The following SLC8A1 variants were observed in gnomAD, a reference collection of about 807,000 sequenced individuals.
SLC8A1 encodes solute carrier family 8 member A1.
SLC8A1 carries 18 observed loss-of-function variants against 68.3 expected under a neutral mutation model. That is an observed-to-expected ratio of 0.26 (90% CI 0.18 to 0.39). The LOEUF (loss-of-function observed/expected upper bound fraction) is 0.39, where lower values mean the gene tolerates loss of function less well. SLC8A1 is among the 10% of genes least tolerant of loss of function. The probability of loss-of-function intolerance (pLI) is 1.00; values close to 1 mark genes in which losing one functional copy is unlikely to be tolerated. For missense variants in SLC8A1, 985 were observed against 1,156.7 expected (o/e 0.85, Z 2.15); for synonymous variants, 475 against 415.5 (o/e 1.14, Z -1.74).
intron 1 of SLC8A1, among the ~76,000 whole-genome samples, chr2:40,475,350 G>C (rs1041338670): frequency 4.0e-5 from 6 of 151,808 alleles, no homozygotes; most frequent in African/African-American, 1.2e-4. Flanking sequence ...AGCCAGGATG[G>C]TCTCGATCTC....
intron 2 of SLC8A1, among the ~76,000 whole-genome samples, chr2:40,226,941 C>G (rs140653714): frequency 1.0e-3 from 152 of 152,150 alleles, no homozygotes; most frequent in African/African-American, 3.5e-3. Flanking sequence ...TAAAATAGCT[C>G]TCTTGAAAAA....
chr2:40,222,600 G>T lies in SLC8A1; in HGVS notation c.1809-44745C>A, dbSNP rs115462769. Among the ~76,000 whole-genome samples, 1,308 of 152,092 alleles carry T rather than the reference G, an allele frequency of 8.6e-3. 20 individuals carry two copies. Among genetic ancestry groups the T allele is most frequent in the African/African-American group, 0.03 (1,224 of 41,484 alleles). On this transcript the variant is annotated intron_variant, in intron 2 of 7. Transcript: ENST00000406785. ...AGTGAACAGGCAACCTAGAGAATGG[G>T]AAAAATAACTGCAATCTATCCATCT...
exon 8 of SLC8A1, chr2:40,100,988 T>G (rs1029996519): frequency 2.0e-5 from 3 of 152,174 alleles, no homozygotes; most frequent in African/African-American, 7.2e-5. Flanking sequence ...ATTGCTTTTG[T>G]GTATCAAAAT....
At chr2:40,119,031 C>T (rs1020189180) in intron 7 of SLC8A1, among the ~76,000 whole-genome samples, 1 of 152,098 alleles carries the variant, frequency 6.6e-6, no homozygotes, top group South Asian at 2.1e-4. Flanking sequence ...ACTCAAAGCA[C>T]CCAAACCAGT....
intron 2 of SLC8A1, among the ~76,000 whole-genome samples, chr2:40,180,809 T>G (rs1216710774): frequency 6.6e-6 from 1 of 152,250 alleles, no homozygotes; most frequent in Non-Finnish European, 1.5e-5. Flanking sequence ...AGAAGTAGCC[T>G]TGCTAATAGG....
chr2:40,431,993 T>G (rs1368896549), intron 1 of SLC8A1, among the ~76,000 whole-genome samples: 1 of 152,086 alleles, frequency 6.6e-6, no homozygotes, highest in Non-Finnish European at 1.5e-5. Context: ...GCAGTAGAAT[T>G]CAAAACTAAG....
chr2:40,299,765 C>T (rs2071088459), intron 2 of SLC8A1, among the ~76,000 whole-genome samples: 1 of 152,172 alleles, frequency 6.6e-6, no homozygotes, highest in East Asian at 1.9e-4. Context: ...AAGAGAGTTT[C>T]AGCATAATAA....
intron 2 of SLC8A1, among the ~76,000 whole-genome samples, chr2:40,358,998 G>C (rs1673668605): frequency 2.6e-5 from 4 of 152,086 alleles, no homozygotes; most frequent in Admixed American, 2.6e-4. Flanking sequence ...GGGGTGGAAC[G>C]GCTTGTGCAA....
chr2:40,302,956 G>T (rs6544319), intron 2 of SLC8A1, among the ~76,000 whole-genome samples: 1 of 152,184 alleles, frequency 6.6e-6, no homozygotes, highest in Admixed American at 6.5e-5. Flanking sequence ...ACAGGATCTT[G>T]TAAGTCTGTC....
At chr2:40,359,419 T>G (rs982641684) in intron 2 of SLC8A1, among the ~76,000 whole-genome samples, 1 of 152,154 alleles carries the variant, frequency 6.6e-6, no homozygotes, top group Non-Finnish European at 1.5e-5. Flanking sequence ...GCATAGCCTT[T>G]TAAGTGTGAA....
chr2:40,288,608 T>C (rs1169073732), intron 2 of SLC8A1, among the ~76,000 whole-genome samples: 1 of 151,894 alleles, frequency 6.6e-6, no homozygotes, highest in Non-Finnish European at 1.5e-5. Flanking sequence ...TATGTATACC[T>C]CTCCCCAGTT....
intron 2 of SLC8A1, among the ~76,000 whole-genome samples, chr2:40,247,576 TAA>T (rs1354860307): frequency 1.3e-5 from 2 of 152,200 alleles, no homozygotes; most frequent in Non-Finnish European, 1.5e-5. Flanking sequence ...TCAGGGCATA[TAA>T]GTCACGTGTC....
chr2:40,184,898 C>CAAAAAAAAAAAAAAAAAA (rs66662572), intron 2 of SLC8A1, among the ~76,000 whole-genome samples: 18 of 106,510 alleles, frequency 1.7e-4, no homozygotes, highest in Non-Finnish European at 2.1e-4. Flanking sequence ...TAACCAAAAA[C>CAAAAAAAAAAAAAAAAAA]AAAAAAAAAA....
intron 2 of SLC8A1, among the ~76,000 whole-genome samples, chr2:40,242,147 C>CGT (rs957918477): frequency 4.7e-5 from 7 of 150,088 alleles, no homozygotes; most frequent in South Asian, 2.1e-4. Flanking sequence ...TGTGTGTGTG[C>CGT]GTGTGTGTGT....
chr2:40,299,894 G>T (rs75741487), intron 2 of SLC8A1, among the ~76,000 whole-genome samples: 3 of 152,298 alleles, frequency 2.0e-5, no homozygotes, highest in Admixed American at 1.3e-4. Context: ...ATCTCCAGAA[G>T]AATCTCCCTA....
At chr2:40,184,448 A>G (rs1456727496) in intron 2 of SLC8A1, among the ~76,000 whole-genome samples, 1 of 152,152 alleles carries the variant, frequency 6.6e-6, no homozygotes, top group Non-Finnish European at 1.5e-5. Context: ...TCCCCTCTCA[A>G]GAAATGACGG....
At chr2:40,473,172 G>C (rs1157676296) in intron 1 of SLC8A1, among the ~76,000 whole-genome samples, 1 of 152,044 alleles carries the variant, frequency 6.6e-6, no homozygotes, top group Non-Finnish European at 1.5e-5. Flanking sequence ...GAGGACCTAA[G>C]AATCACAGCA....
At chr2:40,207,697 T>C (rs995060607) in intron 2 of SLC8A1, among the ~76,000 whole-genome samples, 1 of 152,116 alleles carries the variant, frequency 6.6e-6, no homozygotes, top group South Asian at 2.1e-4. Flanking sequence ...TGGCTCCAAG[T>C]TTCTAAGTCA....
At chr2:40,274,194 T>G (rs1202849060) in intron 2 of SLC8A1, among the ~76,000 whole-genome samples, 1 of 149,248 alleles carries the variant, frequency 6.7e-6, no homozygotes, top group Non-Finnish European at 1.5e-5. Flanking sequence ...TAGCTGTTTG[T>G]TCTCCATGAT....
Sources: allele counts gnomAD v4.1 joint callset (sites outside exome capture counted in the v4.1 genomes callset), GRCh38; gene constraint gnomAD v4.1.1; transcripts MANE v1.5; gene names NCBI Gene and HGNC (gene_info 2026-07-23, HGNC 2026-07-21).